The following CECR2 variants were observed in gnomAD, a reference collection of about 807,000 sequenced individuals.
CECR2 encodes the protein chromatin remodeling regulator CECR2.
In CECR2, 30 loss-of-function variants were observed where a neutral mutation model predicts 154.5. That is an observed-to-expected ratio of 0.19 (90% CI 0.15 to 0.26). The LOEUF (loss-of-function observed/expected upper bound fraction) is 0.26, where lower values mean the gene tolerates loss of function less well. CECR2 is among the 10% of genes least tolerant of loss of function. CECR2 has a pLI of 1.00. For missense variants in CECR2, 1,743 were observed against 1,829.3 expected (o/e 0.95, Z 0.86); for synonymous variants, 725 against 683.7 (o/e 1.06, Z -0.94).
At chr22:17,469,590 A>ATTG (rs2055089075) in intron 1 of CECR2, among the ~76,000 whole-genome samples, 1 of 106,408 alleles carries the variant, frequency 9.4e-6, no homozygotes, top group East Asian at 3.7e-4. Flanking sequence ...TGATGATAAC[A>ATTG]TTGTTTTTTT....
At chr22:17,510,277 C>T (rs973084690) in intron 7 of CECR2, among the ~76,000 whole-genome samples, 7 of 152,000 alleles carry the variant, frequency 4.6e-5, no homozygotes, top group Admixed American at 3.3e-4. Context: ...GAAGGCAGTT[C>T]CCTGATAAGT....
intron 1 of CECR2, chr22:17,424,420 G>C (rs552475304): frequency 5.3e-6 from 1 of 187,508 alleles, no homozygotes; most frequent in Non-Finnish European, 1.2e-5. Flanking sequence ...AGTTCAGGGA[G>C]ACATCTCTCC....
At position 17,510,264 on chromosome 22, in the gene CECR2, T is replaced by A. The variant is rs571076569; in HGVS notation, c.871-1549T>A. ...ATCATGGTAAACTGGCATAATCCCTTTGGAAGGCAGTTCCCTGATAAGTTT... is the reference window on the plus strand; with the variant it reads ...ATCATGGTAAACTGGCATAATCCCTATGGAAGGCAGTTCCCTGATAAGTTT... On this transcript the variant is annotated intron_variant, in intron 7 of 18. Coordinates refer to ENST00000262608, the MANE Select transcript of CECR2 (RefSeq NM_001290047.2). Among the ~76,000 whole-genome samples, 3 of 152,302 alleles carry A rather than the reference T, an allele frequency of 2.0e-5. 1 individual carries two copies. The South Asian group carries it at 6.2e-4, about 32-fold the overall frequency.
At chr22:17,451,388 TAATTTATATG>T (rs1328829742) in intron 1 of CECR2, among the ~76,000 whole-genome samples, 1 of 152,180 alleles carries the variant, frequency 6.6e-6, no homozygotes, top group African/African-American at 2.4e-5. Context: ...ATTACTAGGT[TAATTTATATG>T]AATACCTACT....
At chr22:17,374,774 C>T (rs183918583) in intron 1 of CECR2, among the ~76,000 whole-genome samples, 75 of 152,306 alleles carry the variant, frequency 4.9e-4, no homozygotes, top group Non-Finnish European at 1.5e-5. Context: ...ATCCCATTTT[C>T]TCCTTAGCCG....
At chr22:17,543,041 G>A in intron 16 of CECR2, 38 bp downstream of exon 16, 1 of 1,545,962 alleles carries the variant, frequency 6.5e-7, no homozygotes, top group Non-Finnish European at 8.7e-7. Context: ...TTAAGCTCTT[G>A]TTTCATGAGT....
At chr22:17,518,863 T>C (rs2056107018) in intron 8 of CECR2, 2 of 258,288 alleles carry the variant, frequency 7.7e-6, no homozygotes, top group South Asian at 5.0e-5. Context: ...TTACCTCTCC[T>C]TTCTCTTAGT....
At chr22:17,472,240 A>C (rs1328871508) in intron 1 of CECR2, among the ~76,000 whole-genome samples, 1 of 152,222 alleles carries the variant, frequency 6.6e-6, no homozygotes, top group African/African-American at 2.4e-5. Flanking sequence ...TATACTTTAC[A>C]GTGTAAATTG....
At chr22:17,493,297 T>A (rs1452993353) in intron 2 of CECR2, among the ~76,000 whole-genome samples, 3 of 152,190 alleles carry the variant, frequency 2.0e-5, no homozygotes, top group Non-Finnish European at 4.4e-5. Flanking sequence ...TAGTAAAACC[T>A]GAAAGTACAT....
rs148912196 is a variant in CECR2, at chr22:17,406,292, G to A, written c.126+36383G>A. ...TCCCAGCACTTTGGGAGGCCAAGGC[G>A]GGAGGACCACCTGAAGTCAGGAGTT... On this transcript the variant is annotated intron_variant, in intron 1 of 18. Coordinates refer to ENST00000262608, the MANE Select transcript of CECR2 (RefSeq NM_001290047.2). Among the ~76,000 whole-genome samples, 1,180 of 152,158 alleles carry A rather than the reference G, an allele frequency of 7.8e-3. 20 individuals are homozygous for A. Among genetic ancestry groups the A allele is most frequent in the African/African-American group, 0.026 (1,068 of 41,514 alleles).
chr22:17,510,894 C>G (rs183350254), intron 7 of CECR2, among the ~76,000 whole-genome samples: 1 of 152,134 alleles, frequency 6.6e-6, no homozygotes, highest in Non-Finnish European at 1.5e-5. Flanking sequence ...CGTGAGCCAC[C>G]CCACCCAGCC....
intron 1 of CECR2, among the ~76,000 whole-genome samples, chr22:17,400,710 C>T (rs564947106): frequency 6.6e-6 from 1 of 152,252 alleles, no homozygotes; most frequent in South Asian, 2.1e-4. Context: ...TAATTGGGAT[C>T]TCACTTGCCT....
At chr22:17,417,357 T>TA (rs2146589351) in intron 1 of CECR2, among the ~76,000 whole-genome samples, 1 of 152,334 alleles carries the variant, frequency 6.6e-6, no homozygotes, top group South Asian at 2.1e-4. Flanking sequence ...GTGTTATTGC[T>TA]ACGATTTCTG....
At chr22:17,539,446 C>T (rs1384983943) in intron 13 of CECR2, among the ~76,000 whole-genome samples, 2 of 151,920 alleles carry the variant, frequency 1.3e-5, no homozygotes, top group African/African-American at 4.8e-5. Flanking sequence ...GGGAAGCTGG[C>T]GTAGTAGATC....
At chr22:17,495,634 G>A (rs897187073) in intron 2 of CECR2, among the ~76,000 whole-genome samples, 11 of 150,368 alleles carry the variant, frequency 7.3e-5, no homozygotes, top group Admixed American at 3.3e-4. Context: ...AGGCCGAGGC[G>A]GGTGGATCAT....
intron 1 of CECR2, among the ~76,000 whole-genome samples, chr22:17,476,038 C>G (rs1371913933): frequency 6.6e-6 from 1 of 151,538 alleles, no homozygotes; most frequent in Non-Finnish European, 1.5e-5. Flanking sequence ...GCTGGGTATT[C>G]AGGATCGCCT....
chr22:17,523,014 A>AGGGGGG (rs1184925448), intron 8 of CECR2, among the ~76,000 whole-genome samples: 41 of 146,068 alleles, frequency 2.8e-4, no homozygotes, highest in South Asian at 4.3e-4. Flanking sequence ...CGGGGGGAAA[A>AGGGGGG]AAAAAAGCCT....
chr22:17,460,015 C>A (rs370331786), intron 1 of CECR2, among the ~76,000 whole-genome samples: 2 of 152,248 alleles, frequency 1.3e-5, no homozygotes, highest in East Asian at 3.9e-4. Flanking sequence ...TTCTTCTCTT[C>A]CTCTTCCTTT....
chr22:17,372,077 T>G (rs1295976735), intron 1 of CECR2, among the ~76,000 whole-genome samples: 1 of 152,212 alleles, frequency 6.6e-6, no homozygotes, highest in Non-Finnish European at 1.5e-5. Flanking sequence ...CTCCAGTGTT[T>G]CTTGGAAATG....
Sources: allele counts gnomAD v4.1 joint callset (sites outside exome capture counted in the v4.1 genomes callset), GRCh38; gene constraint gnomAD v4.1.1; transcripts MANE v1.5; gene names NCBI Gene and HGNC (gene_info 2026-07-23, HGNC 2026-07-21).